RGS3: variants seen among roughly 807,000 people sequenced by gnomAD.
RGS3 encodes the protein regulator of G-protein signalling 3.
Under a neutral mutation model 132.6 loss-of-function variants are expected in RGS3, and 80 were observed. The ratio of observed to expected loss-of-function variants is 0.60; its 90% CI spans 0.50 to 0.73. RGS3 has a LOEUF of 0.73. Ranked by LOEUF, RGS3 falls within the 30% of genes least tolerant of loss-of-function variation. RGS3 has a pLI of 0.00. For missense variants in RGS3, 1,382 were observed against 1,530.8 expected, an observed-to-expected ratio of 0.90 and a Z score of 1.62; for synonymous variants, 598 against 620.6, an observed-to-expected ratio of 0.96 and a Z score of 0.54.
At chr9:113,468,712 T>G (rs1334283291) in intron 3 of RGS3, among the ~76,000 whole-genome samples, 3 of 152,198 alleles carry the variant, frequency 2.0e-5, no homozygotes, top group Non-Finnish European at 4.4e-5. Flanking sequence ...AACCAAATTT[T>G]AACTTGCTTG....
intron 21 of RGS3, chr9:113,594,222 G>C (rs1201501091): frequency 1.2e-6 from 2 of 1,612,892 alleles, no homozygotes; most frequent in East Asian, 4.5e-5. Flanking sequence ...ACAGGAGCCA[G>C]AGTGGTGCCT....
intron 14 of RGS3, among the ~76,000 whole-genome samples, chr9:113,510,955 G>C (rs533050681): frequency 6.6e-5 from 10 of 152,232 alleles, no homozygotes; most frequent in African/African-American, 2.2e-4. Context: ...GGTTAAGGCT[G>C]TCACCAGGGT....
chr9:113,450,623 C>T (rs117233660), intron 1 of RGS3, among the ~76,000 whole-genome samples: 198 of 151,848 alleles, frequency 1.3e-3, no homozygotes, highest in Non-Finnish European at 2.3e-3. Context: ...ATCTAGGAGT[C>T]GTTAGAACAG....
At chr9:113,512,493 C>T (rs563255164) in intron 14 of RGS3, among the ~76,000 whole-genome samples, 62 of 151,428 alleles carry the variant, frequency 4.1e-4, no homozygotes, top group African/African-American at 1.4e-3. Context: ...GTCAGGGGCA[C>T]GGGGGGAGTC....
chr9:113,591,875 AG>A lies in RGS3; in HGVS notation c.3080+479del. ...CAGCTGCCGAATCCCGCACTCGCCA[AG>A]CCTTTCTGGCCACACTCAGGCCTTC... On this transcript the variant is annotated intron_variant, in intron 21 of 24. Coordinates refer to ENST00000350696, the Ensembl canonical transcript of RGS3. The surrounding 1 kb of genome is among the most constrained non-coding windows in gnomAD (Gnocchi z 4.4). 5.8e-6 allele frequency: 1 copy of A among 171,426 alleles called. No individual in the cohort carries two copies. 10.6% of individuals were successfully genotyped at this position (171,426 alleles called of 1,614,324 possible). A position where few individuals can be genotyped will look rare whatever the true frequency, so the allele number is the denominator to read the frequency against.
chr9:113,531,705 C>G (rs948208896), intron 18 of RGS3, among the ~76,000 whole-genome samples: 13 of 152,136 alleles, frequency 8.5e-5, no homozygotes, highest in African/African-American at 2.9e-4. Context: ...ATCACAGACT[C>G]TGGAGGAGGC....
chr9:113,458,495 G>A (rs1026740959), upstream of RGS3, among the ~76,000 whole-genome samples: 7 of 152,094 alleles, frequency 4.6e-5, no homozygotes, highest in African/African-American at 1.7e-4. Context: ...TATTTTATTA[G>A]TATTTTTACA....
At chr9:113,580,872 GC>G in intron 19 of RGS3, 2 of 985,708 alleles carry the variant, frequency 2.0e-6, no homozygotes, top group Non-Finnish European at 1.2e-6. Flanking sequence ...ACAGGCCTGG[GC>G]CCCACCCTCA....
intron 10 of RGS3, among the ~76,000 whole-genome samples, chr9:113,504,225 C>G (rs1013619157): frequency 1.3e-5 from 2 of 152,214 alleles, no homozygotes; most frequent in African/African-American, 4.8e-5. Context: ...CAGAAGTCTC[C>G]TGACAAGGCT....
intron 19 of RGS3, among the ~76,000 whole-genome samples, chr9:113,568,084 TATAG>T (rs535772876): frequency 1.1e-4 from 17 of 152,322 alleles, no homozygotes; most frequent in Non-Finnish European, 8.8e-5. Flanking sequence ...TGCACCAAAC[TATAG>T]ATAGATAGAT....
intron 21 of RGS3, chr9:113,592,873 G>T (rs1835513339): frequency 6.6e-6 from 1 of 152,164 alleles, no homozygotes; most frequent in Non-Finnish European, 1.5e-5. Flanking sequence ...TGTTTATTAT[G>T]CCCCGCACTG....
chr9:113,547,233 A>G (rs1833152939), intron 19 of RGS3, among the ~76,000 whole-genome samples: 1 of 152,200 alleles, frequency 6.6e-6, no homozygotes, highest in Non-Finnish European at 1.5e-5. Flanking sequence ...AAGAAAGGGA[A>G]CAGGCATTTT....
At chr9:113,595,551 AGG>A (rs1835724062) in intron 23 of RGS3, 46 bp from the exon 22 acceptor site, 1 of 1,597,366 alleles carries the variant, frequency 6.3e-7, no homozygotes, top group Non-Finnish European at 8.6e-7. Context: ...TCTTAAGGGC[AGG>A]AGAGGCTGAG....
intron 19 of RGS3, among the ~76,000 whole-genome samples, chr9:113,570,968 C>T (rs1834263579): frequency 6.6e-6 from 1 of 152,162 alleles, no homozygotes; most frequent in African/African-American, 2.4e-5. Context: ...ATGAGCGTAG[C>T]CTATCCTTGA....
At chr9:113,488,873 G>T (rs1490848375) in intron 7 of RGS3, among the ~76,000 whole-genome samples, 1 of 152,196 alleles carries the variant, frequency 6.6e-6, no homozygotes, top group Non-Finnish European at 1.5e-5. Context: ...GAGCGAGAAG[G>T]CCTCTGAGCT....
chr9:113,575,637 A>G (rs1428351063), intron 19 of RGS3, among the ~76,000 whole-genome samples: 1 of 152,178 alleles, frequency 6.6e-6, no homozygotes, highest in Non-Finnish European at 1.5e-5. Flanking sequence ...ATTCTGTTGT[A>G]TGACCTTGGC....
chr9:113,503,786 C>T (rs570480423), intron 10 of RGS3, among the ~76,000 whole-genome samples: 38 of 152,182 alleles, frequency 2.5e-4, no homozygotes, highest in Non-Finnish European at 3.4e-4. Context: ...AAAAAATCCC[C>T]GCTGGTTCCA....
intron 10 of RGS3, among the ~76,000 whole-genome samples, chr9:113,503,567 A>G (rs1056628277): frequency 6.6e-6 from 1 of 152,082 alleles, no homozygotes; most frequent in Non-Finnish European, 1.5e-5. Flanking sequence ...TGGGTGTGGG[A>G]GGAGGAGGCT....
chr9:113,499,446 C>T (rs1223729828), intron 10 of RGS3, among the ~76,000 whole-genome samples: 1 of 152,194 alleles, frequency 6.6e-6, no homozygotes, highest in Non-Finnish European at 1.5e-5. Flanking sequence ...GGCTGGCCAC[C>T]TTTTCAGTGT....
Sources: gnomAD v4.1 joint callset for allele counts (sites outside exome capture counted in the v4.1 genomes callset) on GRCh38, gnomAD v4.1.1 for gene constraint, Gnocchi (gnomAD v3.1) non-coding constraint, MANE v1.5 for transcripts, NCBI Gene and HGNC (gene_info 2026-07-23, HGNC 2026-07-21) for gene names.